RBFOX1: variants seen among roughly 807,000 people sequenced by gnomAD.
RBFOX1 encodes the protein RNA binding fox-1 homolog 1.
A neutral mutation model predicts 57.7 loss-of-function variants in RBFOX1; 8 were observed. The ratio of observed to expected loss-of-function variants is 0.14; its 90% CI spans 0.08 to 0.25. RBFOX1 has a LOEUF of 0.25. Ranked by LOEUF, RBFOX1 falls within the 10% of genes least tolerant of loss-of-function variation. RBFOX1 has a pLI of 1.00. For missense variants in RBFOX1, 611 were observed against 548.5 expected (o/e 1.11, Z -1.14); for synonymous variants, 326 against 222.4 (o/e 1.47, Z -4.15).
At chr16:7,055,072 A>T (rs1018078320) in intron 4 of RBFOX1, among the ~76,000 whole-genome samples, 1 of 152,184 alleles carries the variant, frequency 6.6e-6, no homozygotes, top group African/African-American at 2.4e-5. Context: ...TATCTTGAAG[A>T]TATTAAGGAG....
At chr16:5,318,706 G>A (rs748816373) in intron 1 of RBFOX1, among the ~76,000 whole-genome samples, 12 of 152,204 alleles carry the variant, frequency 7.9e-5, no homozygotes, top group Non-Finnish European at 1.3e-4. Flanking sequence ...TGTACACTTT[G>A]TCCCAGTTAT....
At chr16:6,088,473 C>G (rs549350935) in intron 1 of RBFOX1, among the ~76,000 whole-genome samples, 1 of 152,100 alleles carries the variant, frequency 6.6e-6, no homozygotes, top group Non-Finnish European at 1.5e-5. Context: ...TCCTATCCAC[C>G]ATTCAACCAT....
chr16:7,204,841 T>C (rs1388969922), intron 4 of RBFOX1, among the ~76,000 whole-genome samples: 1 of 152,208 alleles, frequency 6.6e-6, no homozygotes, highest in East Asian at 1.9e-4. Context: ...CCGCACAGTT[T>C]CTGGCATTCG....
intron 2 of RBFOX1, among the ~76,000 whole-genome samples, chr16:5,555,578 C>G (rs1360057476): frequency 6.6e-6 from 1 of 151,998 alleles, no homozygotes; most frequent in East Asian, 1.9e-4. Context: ...GGCAAAACCA[C>G]AATTACTTTT....
intron 4 of RBFOX1, among the ~76,000 whole-genome samples, chr16:7,488,011 G>A (rs1040089822): frequency 7.9e-5 from 12 of 152,092 alleles, no homozygotes; most frequent in Admixed American, 2.6e-4. Context: ...ACAAGAGGCC[G>A]GCCTTGTGAA....
intron 3 of RBFOX1, among the ~76,000 whole-genome samples, chr16:6,797,118 G>C (rs2084246866): frequency 6.6e-6 from 1 of 152,276 alleles, no homozygotes; most frequent in Admixed American, 6.5e-5. Context: ...AGAAGGCTCT[G>C]CTGTTCGTTG....
At chr16:6,581,470 C>T (rs958124041) in intron 2 of RBFOX1, among the ~76,000 whole-genome samples, 2 of 152,190 alleles carry the variant, frequency 1.3e-5, no homozygotes, top group African/African-American at 4.8e-5. Flanking sequence ...GGGAAACAAG[C>T]CTTGCTCTTT....
At chr16:5,309,919 G>A (rs1289862975) in intron 1 of RBFOX1, among the ~76,000 whole-genome samples, 1 of 152,164 alleles carries the variant, frequency 6.6e-6, no homozygotes, top group East Asian at 1.9e-4. Context: ...TTAAACTGGA[G>A]CCAAAGCTTC....
At chr16:6,721,749 A>G (rs2066036477) in intron 3 of RBFOX1, 1 of 152,084 alleles carries the variant, frequency 6.6e-6, no homozygotes, top group South Asian at 2.1e-4. Flanking sequence ...TAATTAATTA[A>G]TTAATTTTTT....
intron 3 of RBFOX1, among the ~76,000 whole-genome samples, chr16:6,908,912 C>T (rs1368965955): frequency 6.6e-6 from 1 of 152,190 alleles, no homozygotes; most frequent in Non-Finnish European, 1.5e-5. Flanking sequence ...GCATTCATGA[C>T]TGCAGCTGCT....
intron 1 of RBFOX1, among the ~76,000 whole-genome samples, chr16:6,137,461 C>T (rs375153373): frequency 4.6e-5 from 7 of 151,948 alleles, no homozygotes; most frequent in Non-Finnish European, 7.4e-5. Context: ...CTGGCCACCA[C>T]GCCTGGGTAA....
chr16:5,779,696 C>T (rs1461234040), intron 3 of RBFOX1, among the ~76,000 whole-genome samples: 1 of 152,056 alleles, frequency 6.6e-6, no homozygotes, highest in East Asian at 1.9e-4. Flanking sequence ...ATAGATGCAC[C>T]CCCAACCCAA....
At chr16:5,956,812 A>G (rs917099125) in intron 4 of RBFOX1, among the ~76,000 whole-genome samples, 91 of 150,482 alleles carry the variant, frequency 6.0e-4, no homozygotes, top group Non-Finnish European at 1.1e-3. Flanking sequence ...TGGGATTACA[A>G]GCATGCACCA....
chr16:7,556,759 T>C (rs370889810), intron 5 of RBFOX1, among the ~76,000 whole-genome samples: 41 of 152,328 alleles, frequency 2.7e-4, no homozygotes, highest in African/African-American at 9.1e-4. Context: ...ACCAACTTCA[T>C]AGAGGTATCA....
intron 2 of RBFOX1, among the ~76,000 whole-genome samples, chr16:6,564,784 A>G (rs1040429409): frequency 1.3e-5 from 2 of 152,166 alleles, no homozygotes; most frequent in Admixed American, 6.6e-5. Flanking sequence ...CACAAGGCAT[A>G]TATAAATCAT....
intron 4 of RBFOX1, among the ~76,000 whole-genome samples, chr16:7,190,386 A>G (rs1042101556): frequency 6.6e-6 from 1 of 152,174 alleles, no homozygotes; most frequent in East Asian, 1.9e-4. Flanking sequence ...AATATAAAAT[A>G]AAAAATAAAA....
chr16:7,185,521 G>C (rs1434567199), intron 4 of RBFOX1, among the ~76,000 whole-genome samples: 1 of 152,114 alleles, frequency 6.6e-6, no homozygotes, highest in African/African-American at 2.4e-5. Context: ...ATGATAACAT[G>C]GATCACCTTT....
chr16:5,366,437 G>C, intron 1 of RBFOX1: 1 of 446,812 alleles, frequency 2.2e-6, no homozygotes. Flanking sequence ...AAATCAAAAT[G>C]AAAAGACTCA....
At chr16:6,059,898 G>C (rs995167141) in intron 1 of RBFOX1, among the ~76,000 whole-genome samples, 2 of 151,996 alleles carry the variant, frequency 1.3e-5, no homozygotes, top group Non-Finnish European at 2.9e-5. Context: ...GAGAATAAAG[G>C]ATCATTTGTT....
Sources: gnomAD v4.1 joint callset for allele counts (sites outside exome capture counted in the v4.1 genomes callset) on GRCh38, gnomAD v4.1.1 for gene constraint, MANE v1.5 for transcripts, NCBI Gene and HGNC (gene_info 2026-07-23, HGNC 2026-07-21) for gene names.